MUC12: variants seen among roughly 807,000 people sequenced by gnomAD.
MUC12 encodes the protein mucin-12.
A neutral mutation model predicts 230.8 loss-of-function variants in MUC12; 172 were observed. The ratio of observed to expected loss-of-function variants is 0.75; its 90% CI spans 0.66 to 0.85. The LOEUF is 0.85. MUC12 is among the 40% of genes least tolerant of loss of function. The pLI is 0.00. For missense variants in MUC12, 3,506 were observed against 5,920.6 expected, an observed-to-expected ratio of 0.59 and a Z score of 13.38; for synonymous variants, 1,259 against 2,401.9, an observed-to-expected ratio of 0.52 and a Z score of 13.91.
chr7:100,990,719 TGGG>T lies in MUC12; in HGVS notation c.158_160del (p.Gly53del). On this transcript the variant is annotated inframe_deletion, in exon 2 of 12. Transcript: ENST00000536621. ...ACCCTTTTACCACCTTTAGTGACTA[TGGG>T]GTGTCAGTCACATTTATCACGGGCT... 6.5e-7 allele frequency: 1 copy of T among 1,537,894 alleles called. No homozygotes were observed. The highest frequency in any genetic ancestry group is 1.7e-4 in the Middle Eastern group (1 of 5,996).
Position 100,995,657 on chromosome 7 carries a change from T to C in MUC12, c.5094T>C (p.Thr1698=), listed in dbSNP as rs1793463279. The C allele has an allele frequency of 4.6e-6, 7 of 1,537,006 alleles. No homozygotes were observed. Among genetic ancestry groups the C allele is most frequent in the South Asian group, 2.4e-5 (2 of 84,062 alleles). Residue 1698 remains threonine, a synonymous_variant, in exon 2 of 12, where the codon ACT becomes ACC. Coordinates refer to ENST00000536621, the MANE Select transcript of MUC12 (RefSeq NM_001164462.2). ...AGAGCTGGCCAAGCTCAAAGGACAC[T>C]ATGCCTGCACCTCCTACTACCACAT... ...TFQSWPSSKD[T]MPAPPTTTSA...
Position 100,991,742 on chromosome 7 carries a change from A to AAC in MUC12, c.1187_1188dup (p.Lys397GlnfsTer12). 1 of 1,537,996 alleles carries AAC rather than the reference A, an allele frequency of 6.5e-7. No individual in the cohort carries two copies. The highest frequency in any genetic ancestry group is 1.7e-4 in the Middle Eastern group (1 of 5,996). On this transcript the variant is annotated frameshift_variant, in exon 2 of 12. Transcript: ENST00000536621. LOFTEE classifies it high-confidence loss of function. ...AATCAGCAACTTTCCACGGCAGCAC[A>AAC]ACACACACAAAATCTTCAACTCCTA...
intron 11 of MUC12, among the ~76,000 whole-genome samples, chr7:101,018,289 A>C (rs1584850939): frequency 4.0e-5 from 1 of 24,770 alleles, no homozygotes; most frequent in African/African-American, 1.9e-4. Flanking sequence ...TCTCCTTAGG[A>C]CTCCCTCCCT....
At position 101,004,683 on chromosome 7, in the gene MUC12, G is replaced by A. The variant is rs745530781; in HGVS notation, c.14120G>A (p.Arg4707His). 1.9e-5 allele frequency: 29 copies of A among 1,537,482 alleles called. No homozygotes were observed. The highest frequency in any genetic ancestry group is 3.6e-5 in the South Asian group (3 of 84,036). Residue 4707 changes from arginine (R) to histidine (H), a missense_variant, in exon 2 of 12, where the codon CGC (arginine) becomes CAC (histidine). Transcript: ENST00000536621. Reference protein sequence around the residue: ...PLPAHFTTSGRIAESTTFYIS... With the variant: ...PLPAHFTTSGHIAESTTFYIS... The stretch of plus-strand genomic sequence containing the variant: ...CCTGCCCATTTTACTACCTCAGGCC[G>A]CATTGCAGAATCTACCACCTTCTAT...
In MUC12 at chr7:101,004,987, G is replaced by A. The variant is rs1375223352; in HGVS notation, c.14424G>A (p.Leu4808=). 1 of 1,537,628 alleles carries A rather than the reference G, an allele frequency of 6.5e-7. No individual in the cohort carries two copies. Among genetic ancestry groups the A allele is most frequent in the Non-Finnish European group, 8.7e-7 (1 of 1,147,030 alleles). Residue 4808 remains leucine (L), a synonymous_variant, in exon 2 of 12, where the codon CTG becomes CTA. Coordinates refer to ENST00000536621, the MANE Select transcript of MUC12 (RefSeq NM_001164462.2). ...HSKPGSTETT[L]SPGSITTSSF... ...AGCCAGGCTCAACTGAGACAACACT[G>A]TCCCCTGGCAGCATCACAACTTCAT...
Position 100,991,849 on chromosome 7 carries a change from CA to C in MUC12, c.1288del (p.Ile430SerfsTer83). Reference sequence around the variant, plus strand: ...ACAACACACTTCCGTGATAGCTCCACAATCTCAGGCCGTAGTGAGGAATCAA... The same window carrying C: ...ACAACACACTTCCGTGATAGCTCCACATCTCAGGCCGTAGTGAGGAATCAA... ...TETTHFRDSS[T>X]ISGRSEESKA... On this transcript the variant is annotated frameshift_variant, in exon 2 of 12. Coordinates refer to ENST00000536621, the MANE Select transcript of MUC12 (RefSeq NM_001164462.2). LOFTEE classifies it high-confidence loss of function. 1 of 1,537,724 alleles carries C rather than the reference CA, an allele frequency of 6.5e-7. No individual in the cohort carries two copies. The highest frequency in any genetic ancestry group is 8.7e-7 in the Non-Finnish European group (1 of 1,146,848).
rs1562785577 is a variant in MUC12, at chr7:100,995,238, GACACA to G, written c.4680_4684del (p.Thr1561LeufsTer12). 2.1e-6 allele frequency: 3 copies of G among 1,453,104 alleles called. No individual in the cohort carries two copies. In the Admixed American group the frequency reaches 6.3e-5, roughly 30 times the overall value. 90.0% of individuals were successfully genotyped at this position (1,453,104 alleles called of 1,614,324 possible). On this transcript the variant is annotated frameshift_variant, in exon 2 of 12. Coordinates refer to ENST00000536621, the MANE Select transcript of MUC12 (RefSeq NM_001164462.2). LOFTEE classifies it high-confidence loss of function. ...CTTCTACAGTAGCCCCAGATCACCG[GACACA>G]ACACTCTCACCTGCCAGCACGACAA...
intron 11 of MUC12, 69 bp downstream of exon 11, chr7:101,017,732 C>CGGGACTCCGTTCTCCCCCT: frequency 8.8e-7 from 1 of 1,133,410 alleles, no homozygotes; most frequent in South Asian, 1.5e-5. Flanking sequence ...CCTCTTCCCC[C>CGGGACTCCGTTCTCCCCCT]GGGACTCCCT....
At chr7:101,007,283 A>G (rs942841025) in intron 3 of MUC12, among the ~76,000 whole-genome samples, 2 of 152,162 alleles carry the variant, frequency 1.3e-5, no homozygotes, top group Non-Finnish European at 2.9e-5. Flanking sequence ...TAAATGTTCA[A>G]TTAAATTATT....
rs1232065660 is a variant in MUC12 at position 100,993,001 on chromosome 7, G to A, written c.2438G>A (p.Ser813Asn). ...GSMETTALPG[S>N]TTTPGLSERS... ...ATGGAAACGACAGCGTTACCCGGCA[G>A]TACCACAACGCCAGGCCTCAGTGAG... is the stretch of plus-strand genomic sequence containing the variant. Residue 813 changes from serine to asparagine, a missense_variant, in exon 2 of 12, where the codon AGT becomes AAT. By Grantham distance (46) the Ser-to-Asn change is conservative (BLOSUM62 1). Transcript: ENST00000536621. The A allele has an allele frequency of 6.5e-7, 1 of 1,537,140 alleles. No individual in the cohort carries two copies. Among genetic ancestry groups the A allele is most frequent in the African/African-American group, 1.4e-5 (1 of 72,450 alleles).
chr7:100,991,522 G>A lies in MUC12; in HGVS notation c.959G>A (p.Ser320Asn), dbSNP rs1793301235. 1 of 1,537,080 alleles carries A rather than the reference G, an allele frequency of 6.5e-7. No homozygotes were observed. The highest frequency in any genetic ancestry group is 1.2e-5 in the South Asian group (1 of 84,034). ...SSTPTTHFSA[S>N]STTLGHSEES... The stretch of plus-strand genomic sequence containing the variant: ...ACTCCAACAACCCACTTTTCTGCCA[G>A]CTCCACAACCTTGGGCCATAGTGAG... The change falls in exon 2 of 12, where the codon AGC becomes AAC. Residue 320 changes from serine to asparagine, a missense_variant. Physicochemically the swap from Ser to Asn is conservative, Grantham distance 46 (BLOSUM62 1). Transcript: ENST00000536621.
intron 9 of MUC12, 51 bp downstream of exon 9, chr7:101,014,125 G>C: frequency 6.8e-7 from 1 of 1,469,926 alleles, no homozygotes; most frequent in East Asian, 2.5e-5. Flanking sequence ...GACAGATCCT[G>C]GGGTGGCCAC....
intron 5 of MUC12, among the ~76,000 whole-genome samples, chr7:101,010,991 G>A (rs1793834183): frequency 6.6e-6 from 1 of 152,160 alleles, no homozygotes; most frequent in Non-Finnish European, 1.5e-5. Context: ...GGTATCCCCA[G>A]TTGGATGTCA....
chr7:101,013,809 G>A, intron 8 of MUC12, 104 bp from the exon 9 acceptor site: 1 of 1,319,078 alleles, frequency 7.6e-7, no homozygotes, highest in Admixed American at 2.8e-5. Flanking sequence ...AGCCGTTGGA[G>A]TGAGGGAGAT....
rs770347495 is a variant in MUC12 at position 101,004,691 on chromosome 7, G to T, written c.14128G>T (p.Glu4710Ter). ...TTTTACTACCTCAGGCCGCATTGCA[G>T]AATCTACCACCTTCTATATCTCTCC... ...AHFTTSGRIAESTTFYISPGS... is the reference protein window; with the variant it reads ...AHFTTSGRIA Residue 4710 changes from glutamate (E) to a stop codon, truncating the protein, a stop_gained, in exon 2 of 12, where the codon GAA becomes TAA. Transcript: ENST00000536621. LOFTEE classifies it high-confidence loss of function. The T allele has an allele frequency of 6.5e-7, 1 of 1,537,738 alleles. No individual in the cohort carries two copies. The highest frequency in any genetic ancestry group is 2.0e-5 in the Admixed American group (1 of 50,984).
Position 100,993,869 on chromosome 7 carries a change from C to G in MUC12, c.3306C>G (p.Thr1102=), listed in dbSNP as rs1793400440. Residue 1102 remains threonine, a synonymous_variant, in exon 2 of 12, where the codon ACC becomes ACG. Coordinates refer to ENST00000536621, the MANE Select transcript of MUC12 (RefSeq NM_001164462.2). ...CACCAGGCCTCAGTGAGGCATCTAC[C>G]ACCTTCTACAGCAGCCCCAGATCAC... ...TTTPGLSEAS[T]TFYSSPRSPT... 1 of 1,491,124 alleles carries G rather than the reference C, an allele frequency of 6.7e-7. No homozygotes were observed. The highest frequency in any genetic ancestry group is 8.9e-7 in the Non-Finnish European group (1 of 1,124,888). The allele number at this position is 1,491,124 out of a possible 1,614,324, so 92.4% of individuals were successfully genotyped here. A position where few individuals can be genotyped will look rare whatever the true frequency, so the allele number is the denominator to read the frequency against.
chr7:100,973,011 C>T lies in MUC12; in HGVS notation c.67+3322C>T, dbSNP rs967587898. On this transcript the variant is annotated intron_variant, in intron 1 of 11. Transcript: ENST00000536621. ...ATGAGGGGGCATCTGCTGGATGGAGCGTGATGTTTGCTGGGGAGAGTGTGG... is the reference window on the plus strand; with the variant it reads ...ATGAGGGGGCATCTGCTGGATGGAGTGTGATGTTTGCTGGGGAGAGTGTGG... 29 of 702,936 alleles carry T rather than the reference C, an allele frequency of 4.1e-5. No homozygotes were observed. In the Middle Eastern group the frequency reaches 1.4e-3, roughly 34 times the overall value. 43.5% of individuals were successfully genotyped at this position (702,936 alleles called of 1,614,324 possible). A position where few individuals can be genotyped will look rare whatever the true frequency, so the allele number is the denominator to read the frequency against.
chr7:101,007,541 C>T (rs997150176), intron 3 of MUC12, among the ~76,000 whole-genome samples: 5 of 152,186 alleles, frequency 3.3e-5, no homozygotes, highest in Non-Finnish European at 4.4e-5. Context: ...CACTTAACAA[C>T]GACCTCCAGT....
rs545156731 is a variant in MUC12 at position 100,969,585 on chromosome 7, G to A, written c.-38G>A. 1,101 of 1,536,204 alleles carry A rather than the reference G, an allele frequency of 7.2e-4. No individual in the cohort carries two copies. In the South Asian group the frequency reaches 0.012, roughly 17 times the overall value. On this transcript the variant is annotated 5_prime_UTR_variant, in exon 1 of 12. An upstream start codon of the reference 5' UTR is lost. Transcript: ENST00000536621. ...CCTTCATTTCTTGGTCCCTCCTGAT[G>A]AGAGAAGATGGGCAGCCAGGGGCCC...
Sources: allele counts gnomAD v4.1 joint callset (sites outside exome capture counted in the v4.1 genomes callset), GRCh38; gene constraint gnomAD v4.1.1; transcripts MANE v1.5; gene names NCBI Gene and HGNC (gene_info 2026-07-23, HGNC 2026-07-21).